Variants in DMD observed in about 807,000 individuals in gnomAD.
DMD encodes dystrophin.
In DMD, 63 loss-of-function variants were observed where a neutral mutation model predicts 330.1. The observed-to-expected ratio is 0.19, with a 90% CI of 0.16 to 0.24. The LOEUF (loss-of-function observed/expected upper bound fraction) is 0.24, where lower values mean the gene tolerates loss of function less well. Among genes scored for constraint, DMD ranks in the 10% least tolerant of loss-of-function variants. The pLI is 1.00. For synonymous variants in DMD, 1,223 were observed against 959.8 expected (o/e 1.27, Z -5.07); for missense variants, 3,344 against 2,684.1 (o/e 1.25, Z -5.43).
At chrX:32,403,898 T>G (rs922644688) in intron 30 of DMD, among the ~76,000 whole-genome samples, 2 of 112,260 alleles carry the variant, frequency 1.8e-5, no homozygotes, top group Admixed American at 9.5e-5. Context: ...TGCAGGTTTC[T>G]GCTGTCTAAC....
intron 1 of DMD, among the ~76,000 whole-genome samples, chrX:33,117,289 T>C (rs1296771722): frequency 3.6e-5 from 4 of 110,988 alleles, no homozygotes; most frequent in Non-Finnish European, 7.5e-5. Flanking sequence ...GGGGATCTAA[T>C]GTACAGCATG....
At chrX:31,359,936 T>G (rs1336280691) in intron 60 of DMD, among the ~76,000 whole-genome samples, 1 of 112,253 alleles carries the variant, frequency 8.9e-6, no homozygotes, top group East Asian at 2.8e-4. Flanking sequence ...CTATGGGGGT[T>G]ACAGAGTATC....
chrX:32,464,766 G>T (rs1425125399), intron 23 of DMD, 67 bp from the exon 24 acceptor site: 53 of 797,485 alleles, frequency 6.6e-5, no homozygotes, highest in Non-Finnish European at 9.8e-5. Flanking sequence ...TCATCATTGT[G>T]TTATGTCTAA....
intron 2 of DMD, among the ~76,000 whole-genome samples, chrX:33,004,793 G>A (rs2093359361): frequency 9.0e-6 from 1 of 110,870 alleles, no homozygotes; most frequent in Non-Finnish European, 1.9e-5. Context: ...ATTTCCTTTT[G>A]GGTTGTTCAG....
intron 62 of DMD, among the ~76,000 whole-genome samples, chrX:31,276,974 T>C (rs1210167452): frequency 8.9e-6 from 1 of 111,993 alleles, no homozygotes; most frequent in Admixed American, 9.5e-5. Flanking sequence ...GTTTCTTTAT[T>C]TGGATGCTGG....
chrX:32,041,202 T>C (rs2095999245), intron 44 of DMD, among the ~76,000 whole-genome samples: 1 of 112,504 alleles, frequency 8.9e-6, no homozygotes, highest in East Asian at 2.8e-4. Context: ...TCTTTGGAGC[T>C]TTAGAACTAA....
intron 60 of DMD, among the ~76,000 whole-genome samples, chrX:31,364,948 A>T (rs1176750106): frequency 9.1e-6 from 1 of 109,872 alleles, no homozygotes; most frequent in African/African-American, 3.3e-5. Flanking sequence ...ACAAAAAATT[A>T]GCCAGGCGTG....
intron 47 of DMD, among the ~76,000 whole-genome samples, chrX:31,891,584 T>C (rs766656772): frequency 1.7e-4 from 19 of 112,202 alleles, no homozygotes; most frequent in African/African-American, 5.5e-4. Context: ...GAATATTATA[T>C]GAAATTCAAA....
intron 41 of DMD, among the ~76,000 whole-genome samples, chrX:32,327,739 G>C (rs1024921272): frequency 1.8e-5 from 2 of 110,627 alleles, no homozygotes; most frequent in East Asian, 5.7e-4. Flanking sequence ...ATATAAAATT[G>C]TTCTATTCTG....
intron 2 of DMD, among the ~76,000 whole-genome samples, chrX:32,873,212 C>G (rs756688603): frequency 9.0e-6 from 1 of 110,640 alleles, no homozygotes; most frequent in South Asian, 3.9e-4. Flanking sequence ...GGGGAATAAG[C>G]CCCCCTCCTC....
chrX:32,844,566 G>A (rs2080482413), intron 4 of DMD, among the ~76,000 whole-genome samples: 1 of 112,122 alleles, frequency 8.9e-6, no homozygotes, highest in African/African-American at 3.2e-5. Flanking sequence ...TCAGGTCTAT[G>A]TCTTTTCCCT....
At chrX:32,412,469 T>G (rs1475081704) in intron 29 of DMD, among the ~76,000 whole-genome samples, 2 of 112,454 alleles carry the variant, frequency 1.8e-5, no homozygotes, top group East Asian at 5.6e-4. Context: ...CCCTACTTTC[T>G]TTCACAATTT....
At position 31,154,818 on chromosome X, in the gene DMD, A is replaced by T. The variant is rs1323633880; in HGVS notation, c.10554-7300T>A. 2.7e-5 allele frequency among the ~76,000 whole-genome samples: 3 copies of T among 111,380 alleles called. No homozygotes were observed. In the East Asian group the frequency reaches 8.4e-4, roughly 31 times the overall value. ...TACGTTCTTGATTATCTTGTAAATT[A>T]TATTTCTCTGGTAGCTCCCTAAGGA... On this transcript the variant is annotated intron_variant, in intron 74 of 78. Transcript: ENST00000357033.
chrX:32,893,898 G>T (rs1363604709), intron 2 of DMD, among the ~76,000 whole-genome samples: 2 of 111,266 alleles, frequency 1.8e-5, no homozygotes, highest in East Asian at 5.7e-4. Flanking sequence ...AGAGCCTTGA[G>T]ATGGGCTGGC....
chrX:31,427,008 A>G (rs1319962193), intron 60 of DMD, among the ~76,000 whole-genome samples: 1 of 112,363 alleles, frequency 8.9e-6, no homozygotes, highest in Admixed American at 9.5e-5. Flanking sequence ...AAATAAGGTA[A>G]AAAGGTCAAA....
chrX:32,476,486 T>C lies in DMD; in HGVS notation c.2804-4177A>G, dbSNP rs144759999. Among the ~76,000 whole-genome samples, 361 of 111,255 alleles carry C rather than the reference T, an allele frequency of 3.2e-3. 3 individuals carry two copies. In the South Asian group the frequency reaches 0.055, roughly 17 times the overall value. On this transcript the variant is annotated intron_variant, in intron 21 of 78. Transcript: ENST00000357033. ...TGGGAACTTGTCCATCTAATATAGT[T>C]TGTGAGGCAAGCTGGAAAAAAAAAT...
At chrX:31,172,754 G>A (rs1274080046) in intron 72 of DMD, among the ~76,000 whole-genome samples, 1 of 111,530 alleles carries the variant, frequency 9.0e-6, no homozygotes, top group Admixed American at 9.6e-5. Flanking sequence ...ACTACCCCTT[G>A]TCTTTTAGGA....
At chrX:32,026,803 C>T (rs73451875) in intron 44 of DMD, among the ~76,000 whole-genome samples, 1,356 of 111,950 alleles carry the variant, frequency 0.012, 24 homozygotes, top group African/African-American at 0.039. Context: ...TTCCCATCTG[C>T]AAACAGCTTT....
intron 11 of DMD, among the ~76,000 whole-genome samples, chrX:32,630,063 A>T (rs1388183861): frequency 8.9e-6 from 1 of 111,930 alleles, no homozygotes; most frequent in Non-Finnish European, 1.9e-5. Context: ...TTGCTCATTA[A>T]CATCCTTTTC....
Sources: gnomAD v4.1 joint callset for allele counts (sites outside exome capture counted in the v4.1 genomes callset) on GRCh38, gnomAD v4.1.1 for gene constraint, MANE v1.5 for transcripts, NCBI Gene and HGNC (gene_info 2026-07-23, HGNC 2026-07-21) for gene names.